Variants in OPCML observed in about 807,000 individuals in gnomAD.
OPCML encodes the protein opioid binding protein/cell adhesion molecule like.
OPCML carries 13 observed loss-of-function variants against 37.8 expected under a neutral mutation model. The observed-to-expected ratio is 0.34, with a 90% confidence interval of 0.22 to 0.55. The LOEUF (loss-of-function observed/expected upper bound fraction) is 0.55. OPCML is among the 20% of genes least tolerant of loss of function. OPCML has a pLI of 0.91. For missense variants in OPCML, 341 were observed against 435.6 expected (o/e 0.78, Z 1.93); for synonymous variants, 176 against 168.8 (o/e 1.04, Z -0.33).
At chr11:132,465,106 T>C (rs1474758296) in intron 4 of OPCML, among the ~76,000 whole-genome samples, 1 of 152,200 alleles carries the variant, frequency 6.6e-6, no homozygotes, top group East Asian at 1.9e-4. Context: ...CATAAAAAGA[T>C]ACATCATAAT....
chr11:133,507,337 G>T (rs1948056249), intron 1 of OPCML, among the ~76,000 whole-genome samples: 1 of 152,198 alleles, frequency 6.6e-6, no homozygotes, highest in Non-Finnish European at 1.5e-5. Flanking sequence ...GCAGTGGGCT[G>T]GCTGCAATCA....
intron 2 of OPCML, among the ~76,000 whole-genome samples, chr11:132,797,471 C>A (rs1044480423): frequency 1.3e-5 from 2 of 152,294 alleles, no homozygotes; most frequent in Non-Finnish European, 2.9e-5. Context: ...TAGAAGCACA[C>A]CTCAGAAATC....
At chr11:132,907,414 C>T (rs1944281007) in intron 2 of OPCML, among the ~76,000 whole-genome samples, 1 of 152,028 alleles carries the variant, frequency 6.6e-6, no homozygotes, top group African/African-American at 2.4e-5. Context: ...TGGTGGATCA[C>T]AAAGTCAAGA....
intron 1 of OPCML, among the ~76,000 whole-genome samples, chr11:133,026,252 G>T (rs1344501285): frequency 6.6e-6 from 1 of 152,120 alleles, no homozygotes; most frequent in East Asian, 1.9e-4. Flanking sequence ...CCGCCTCTTT[G>T]CACTCAAATG....
At chr11:132,542,548 G>C (rs2030606942) in intron 3 of OPCML, among the ~76,000 whole-genome samples, 1 of 152,148 alleles carries the variant, frequency 6.6e-6, no homozygotes, top group African/African-American at 2.4e-5. Context: ...GAGCCTCCTT[G>C]GTTTGCTCCA....
intron 7 of OPCML, chr11:132,435,296 G>A (rs1329819618): frequency 7.9e-7 from 1 of 1,270,110 alleles, no homozygotes; most frequent in African/African-American, 1.5e-5. Context: ...AGTGCTGAAA[G>A]CTTGTGTCTG....
intron 4 of OPCML, among the ~76,000 whole-genome samples, chr11:132,441,860 G>C (rs980317805): frequency 9.2e-5 from 14 of 152,158 alleles, no homozygotes; most frequent in Admixed American, 2.6e-4. Context: ...GAAGCCTCAG[G>C]GTTCTGTGGA....
chr11:132,571,958 A>G (rs1052834471), intron 3 of OPCML, among the ~76,000 whole-genome samples: 7 of 152,128 alleles, frequency 4.6e-5, no homozygotes, highest in African/African-American at 1.4e-4. Context: ...TATAATACCC[A>G]TTTCTGGTAT....
intron 2 of OPCML, among the ~76,000 whole-genome samples, chr11:132,706,282 T>C (rs1944032940): frequency 6.6e-6 from 1 of 152,146 alleles, no homozygotes; most frequent in South Asian, 2.1e-4. Context: ...GCCAAAAAAG[T>C]GGATCAATTG....
At chr11:133,210,308 A>G (rs1939299941) in intron 1 of OPCML, among the ~76,000 whole-genome samples, 1 of 152,150 alleles carries the variant, frequency 6.6e-6, no homozygotes, top group Admixed American at 6.5e-5. Flanking sequence ...CATCAGAAAA[A>G]TGAAGGCAAA....
At chr11:132,516,093 A>G (rs1217237784) in intron 4 of OPCML, among the ~76,000 whole-genome samples, 1 of 152,224 alleles carries the variant, frequency 6.6e-6, no homozygotes, top group Admixed American at 6.5e-5. Context: ...ACACGAATTG[A>G]AAAATATCTT....
intron 2 of OPCML, among the ~76,000 whole-genome samples, chr11:132,905,805 G>A (rs189083023): frequency 2.0e-5 from 3 of 151,918 alleles, no homozygotes; most frequent in Admixed American, 6.5e-5. Context: ...ATGTTTCTAC[G>A]CCTCTGTATA....
chr11:133,353,396 G>A (rs1334907167), intron 1 of OPCML, among the ~76,000 whole-genome samples: 1 of 152,080 alleles, frequency 6.6e-6, no homozygotes, highest in African/African-American at 2.4e-5. Context: ...CTGACCTCAG[G>A]TGATCCACCC....
At chr11:133,164,725 C>T (rs1041820647) in intron 1 of OPCML, among the ~76,000 whole-genome samples, 6 of 152,168 alleles carry the variant, frequency 3.9e-5, no homozygotes, top group East Asian at 3.9e-4. Context: ...AAGTTAAAGG[C>T]GCTCTCCTAG....
chr11:132,427,588 A>C (rs902286170), intron 7 of OPCML, among the ~76,000 whole-genome samples: 1 of 152,192 alleles, frequency 6.6e-6, no homozygotes, highest in Non-Finnish European at 1.5e-5. Flanking sequence ...TGTTCTCCTT[A>C]ACACACCCTG....
At chr11:132,777,326 T>A (rs1263412145) in intron 2 of OPCML, among the ~76,000 whole-genome samples, 1 of 152,208 alleles carries the variant, frequency 6.6e-6, no homozygotes, top group Non-Finnish European at 1.5e-5. Context: ...TAGTTAGAAC[T>A]AGTTAGAGCA....
chr11:133,428,572 T>C (rs1465444454), intron 1 of OPCML, among the ~76,000 whole-genome samples: 1 of 151,910 alleles, frequency 6.6e-6, no homozygotes, highest in East Asian at 1.9e-4. Flanking sequence ...ATAGCAACAA[T>C]AGAACAAAGC....
chr11:132,883,388 G>A lies in OPCML; in HGVS notation c.146+59538C>T, dbSNP rs140980049. ...GTGAATTAGGAACACACCCGCAAGAGAGCACAGGATTAATTAGTCCTGCAG... is the reference window on the plus strand; with the variant it reads ...GTGAATTAGGAACACACCCGCAAGAAAGCACAGGATTAATTAGTCCTGCAG... On this transcript the variant is annotated intron_variant, in intron 2 of 7. Transcript: ENST00000524381. 1.8e-3 allele frequency among the ~76,000 whole-genome samples: 268 copies of A among 152,282 alleles called. 3 individuals are homozygous for A. The highest frequency in any genetic ancestry group is 6.3e-3 in the African/African-American group (260 of 41,556).
At chr11:133,330,017 G>A (rs1349513543) in intron 1 of OPCML, among the ~76,000 whole-genome samples, 1 of 152,138 alleles carries the variant, frequency 6.6e-6, no homozygotes, top group African/African-American at 2.4e-5. Context: ...ATCAAAAAGT[G>A]GGCAAAGGAT....
Sources: allele counts gnomAD v4.1 joint callset (sites outside exome capture counted in the v4.1 genomes callset), GRCh38; gene constraint gnomAD v4.1.1; transcripts MANE v1.5; gene names NCBI Gene and HGNC (gene_info 2026-07-23, HGNC 2026-07-21).